Variants in MGST1 observed in about 807,000 individuals in gnomAD.
The protein encoded by MGST1 is glutathione S-transferase 12.
MGST1 carries 5 observed loss-of-function variants against 8.9 expected under a neutral mutation model. That is an observed-to-expected ratio of 0.56 (90% CI 0.29 to 1.19). The LOEUF (loss-of-function observed/expected upper bound fraction) is 1.19, where lower values mean the gene tolerates loss of function less well. MGST1 is among the 50% of genes most tolerant of loss of function. MGST1 has a pLI of 0.08. For synonymous variants in MGST1, 54 were observed against 67.8 expected, an observed-to-expected ratio of 0.80 and a Z score of 1.00; for missense variants, 182 against 187.4, an observed-to-expected ratio of 0.97 and a Z score of 0.17.
intron 4 of MGST1, among the ~76,000 whole-genome samples, chr12:16,552,814 T>A (rs1942040455): frequency 6.6e-6 from 1 of 152,090 alleles, no homozygotes; most frequent in East Asian, 1.9e-4. Flanking sequence ...TTTGTATTAG[T>A]TGTAACCTGT....
intron 1 of MGST1, among the ~76,000 whole-genome samples, chr12:16,395,572 TC>T (rs2137056985): frequency 6.7e-6 from 1 of 149,264 alleles, no homozygotes; most frequent in South Asian, 2.2e-4. Flanking sequence ...CTCAACCCCC[TC>T]CCCCACTTCC....
intron 4 of MGST1, among the ~76,000 whole-genome samples, chr12:16,530,523 T>C (rs546433562): frequency 1.3e-5 from 2 of 152,226 alleles, no homozygotes; most frequent in African/African-American, 4.8e-5. Flanking sequence ...ACACTCAGGC[T>C]GAAAAACGAG....
At chr12:16,518,113 A>T (rs577584118) in intron 4 of MGST1, among the ~76,000 whole-genome samples, 80 of 152,326 alleles carry the variant, frequency 5.3e-4, no homozygotes, top group African/African-American at 1.9e-3. Flanking sequence ...ATTTTTAAAA[A>T]ATATTTACAC....
chr12:16,401,270 C>T lies in MGST1; in HGVS notation n.778+17666C>T. 4 of 1,560,126 alleles carry T rather than the reference C, an allele frequency of 2.6e-6. No individual in the cohort carries two copies. The highest frequency in any genetic ancestry group is 3.5e-6 in the Non-Finnish European group (4 of 1,133,730). On this transcript the variant is annotated intron_variant and non_coding_transcript_variant, in intron 1 of 1. Coordinates refer to the MGST1 transcript ENST00000359720. This position sits in a 1 kb window ranked among gnomAD's most constrained non-coding sequence, Gnocchi z 4.3. ...TTTTTCCCCTCCTTGTTAGTCAGGT[C>T]TGAGAATCCCAAACTGATGCTGAAA...
chr12:16,521,526 C>T (rs184163566), intron 4 of MGST1, among the ~76,000 whole-genome samples: 4 of 152,164 alleles, frequency 2.6e-5, no homozygotes, highest in Admixed American at 2.6e-4. Context: ...GAGTTTAATT[C>T]AATACATTTT....
At chr12:16,491,142 G>A (rs1018261487) in intron 4 of MGST1, among the ~76,000 whole-genome samples, 3 of 152,074 alleles carry the variant, frequency 2.0e-5, no homozygotes, top group Admixed American at 6.5e-5. Context: ...TATTTTGAAA[G>A]GCAGCAGAAA....
chr12:16,393,841 A>G (rs1426181534), intron 1 of MGST1, among the ~76,000 whole-genome samples: 3 of 152,176 alleles, frequency 2.0e-5, no homozygotes, highest in African/African-American at 7.2e-5. Context: ...TTCAAACCCA[A>G]TCTGAATCAA....
At position 16,537,679 on chromosome 12, in the gene MGST1, T is replaced by C. The variant is rs1941764045; in HGVS notation, n.483-51849T>C. ...TGCAGACTCAACACCATGTGAAAGG[T>C]GCCAAGGTTTGGAGTTTGCACCCTC... On this transcript the variant is annotated intron_variant and non_coding_transcript_variant, in intron 4 of 4. Transcript: ENST00000538857. This position sits in a 1 kb window ranked among gnomAD's most constrained non-coding sequence, Gnocchi z 4.6. Among the ~76,000 whole-genome samples the C allele has an allele frequency of 6.6e-6, 1 of 152,204 alleles. No homozygotes were observed.
downstream of MGST1, among the ~76,000 whole-genome samples, chr12:16,378,113 G>A (rs1286921513): frequency 1.3e-5 from 2 of 151,998 alleles, no homozygotes; most frequent in Non-Finnish European, 2.9e-5. Context: ...TCACTCTGAT[G>A]GTATTTTCTT....
chr12:16,509,855 C>A (rs1269579666), intron 4 of MGST1, among the ~76,000 whole-genome samples: 1 of 152,144 alleles, frequency 6.6e-6, no homozygotes, highest in Non-Finnish European at 1.5e-5. Flanking sequence ...TGATTCAGAG[C>A]TTTGTGCCCA....
At chr12:16,422,871 C>A (rs1940850473) in intron 1 of MGST1, among the ~76,000 whole-genome samples, 1 of 152,094 alleles carries the variant, frequency 6.6e-6, no homozygotes, top group Non-Finnish European at 1.5e-5. Flanking sequence ...GGGTGGTTCT[C>A]CCTTGATGCT....
At chr12:16,553,556 G>T (rs925984456) in intron 4 of MGST1, among the ~76,000 whole-genome samples, 2 of 152,068 alleles carry the variant, frequency 1.3e-5, no homozygotes, top group African/African-American at 4.8e-5. Context: ...TGGATAAAGT[G>T]CATTTTATAT....
chr12:16,556,320 A>C lies in MGST1; in HGVS notation n.483-33208A>C, dbSNP rs576451170. On this transcript the variant is annotated intron_variant and non_coding_transcript_variant, in intron 4 of 4. Coordinates refer to the MGST1 transcript ENST00000538857. ...AGATATCATAAAATAAGCTTAAATA[A>C]CCCTCCTGCGGTACCTTTTAAAATA... is the stretch of plus-strand genomic sequence containing the variant. Among the ~76,000 whole-genome samples the C allele has an allele frequency of 5.3e-4, 81 of 152,184 alleles. 1 individual carries two copies. The highest frequency in any genetic ancestry group is 1.9e-3 in the African/African-American group (79 of 41,528).
intron 1 of MGST1, chr12:16,349,029 A>C (rs1939331672): frequency 6.6e-6 from 1 of 152,056 alleles, no homozygotes; most frequent in Admixed American, 6.6e-5. Context: ...TTTGCATGAG[A>C]CCACATAGTG....
Position 16,560,232 on chromosome 12 carries a change from T to C in MGST1, n.483-29296T>C, listed in dbSNP as rs1007739327. 3.3e-5 allele frequency among the ~76,000 whole-genome samples: 5 copies of C among 152,180 alleles called. No individual in the cohort carries two copies. The highest frequency in any genetic ancestry group is 1.2e-4 in the African/African-American group (5 of 41,438). ...ATGATGCTTTTCTTTCAGGTAGAAGTAAGTCTTAAGACCTTTCTTCTCCTT... is the reference window on the plus strand; with the variant it reads ...ATGATGCTTTTCTTTCAGGTAGAAGCAAGTCTTAAGACCTTTCTTCTCCTT... On this transcript the variant is annotated intron_variant and non_coding_transcript_variant, in intron 4 of 4. Coordinates refer to the MGST1 transcript ENST00000538857. The surrounding 1 kb of genome is among the most constrained non-coding windows in gnomAD (Gnocchi z 5.0).
intron 4 of MGST1, among the ~76,000 whole-genome samples, chr12:16,531,058 A>G (rs1199146968): frequency 3.3e-5 from 5 of 151,226 alleles, no homozygotes; most frequent in African/African-American, 1.2e-4. Flanking sequence ...AGAGGGAGAG[A>G]ATAGTGGTGC....
chr12:16,441,808 T>C (rs1006541162), downstream of MGST1, among the ~76,000 whole-genome samples: 1 of 151,986 alleles, frequency 6.6e-6, no homozygotes, highest in Non-Finnish European at 1.5e-5. Context: ...CACATCCATA[T>C]GCAAGTTTTT....
At chr12:16,573,621 A>T (rs919879048) in intron 4 of MGST1, 1 of 152,184 alleles carries the variant, frequency 6.6e-6, no homozygotes, top group Non-Finnish European at 1.5e-5. Context: ...GAAAGCAAAC[A>T]ACTTGAAAAA....
At chr12:16,384,015 A>G (rs1940481684) in intron 1 of MGST1, among the ~76,000 whole-genome samples, 1 of 152,198 alleles carries the variant, frequency 6.6e-6, no homozygotes, top group Non-Finnish European at 1.5e-5. Context: ...GCCCACAAAT[A>G]GGAATTAACA....
Sources: gnomAD v4.1 joint callset for allele counts (sites outside exome capture counted in the v4.1 genomes callset) on GRCh38, gnomAD v4.1.1 for gene constraint, Gnocchi (gnomAD v3.1) non-coding constraint, MANE v1.5 for transcripts, NCBI Gene and HGNC (gene_info 2026-07-23, HGNC 2026-07-21) for gene names.